The following SCFD1 variants were observed in gnomAD, a reference collection of about 807,000 sequenced individuals.
SCFD1 encodes sec1 family domain containing 1, also known as sec1 family domain-containing protein 1.
In SCFD1, 37 loss-of-function variants were observed where a neutral mutation model predicts 103.2. That is an observed-to-expected ratio of 0.36 (90% CI 0.28 to 0.47). SCFD1 has a LOEUF of 0.47. Among genes scored for constraint, SCFD1 ranks in the 20% least tolerant of loss-of-function variants. The probability of loss-of-function intolerance (pLI) is 1.00; values close to 1 mark genes in which losing one functional copy is unlikely to be tolerated. For missense variants in SCFD1, 639 were observed against 761.2 expected (o/e 0.84, Z 1.89); for synonymous variants, 264 against 245.0 (o/e 1.08, Z -0.73).
intron 10 of SCFD1, among the ~76,000 whole-genome samples, chr14:30,660,111 A>G (rs2139149496): frequency 6.6e-6 from 1 of 152,312 alleles, no homozygotes; most frequent in Admixed American, 6.5e-5. Flanking sequence ...GCTTGTTCAA[A>G]TAAGGATCCA....
intron 15 of SCFD1, among the ~76,000 whole-genome samples, chr14:30,696,866 C>T (rs1890736798): frequency 6.6e-6 from 1 of 152,056 alleles, no homozygotes; most frequent in Non-Finnish European, 1.5e-5. Context: ...TTGTTATATA[C>T]AGGGGACTGG....
intron 10 of SCFD1, among the ~76,000 whole-genome samples, chr14:30,662,547 G>A (rs561343357): frequency 6.6e-6 from 1 of 152,268 alleles, no homozygotes; most frequent in African/African-American, 2.4e-5. Context: ...ACTCACCTTA[G>A]TGTGTCACCT....
At chr14:30,735,132 A>C (rs1893749918) in intron 24 of SCFD1, 3 of 362,316 alleles carry the variant, frequency 8.3e-6, no homozygotes, top group Middle Eastern at 7.4e-4. Context: ...GAGAACTGTC[A>C]GTAGTGTGTC....
At position 30,653,563 on chromosome 14, in the gene SCFD1, A is replaced by T; in HGVS notation, c.830A>T (p.Tyr277Phe). The T allele has an allele frequency of 1.9e-6, 3 of 1,613,004 alleles. No individual in the cohort carries two copies. Among genetic ancestry groups the T allele is most frequent in the Non-Finnish European group, 2.5e-6 (3 of 1,179,094 alleles). Residue 277 changes from tyrosine to phenylalanine, a missense_variant, in exon 10 of 25, where the codon TAT (tyrosine) becomes TTT (phenylalanine). Tyr to Phe is a conservative substitution (Grantham distance 22). Transcript: ENST00000458591. ...LATPLHHTWT[Y>F]QALVHDVLDF... is the part of the protein sequence containing the mutation. ...ACTCCTTTACATCATACTTGGACATATCAAGCATTGGTGCACGATGTACTG... is the reference window on the plus strand; with the variant it reads ...ACTCCTTTACATCATACTTGGACATTTCAAGCATTGGTGCACGATGTACTG...
intron 23 of SCFD1, among the ~76,000 whole-genome samples, chr14:30,726,449 A>G (rs1050703109): frequency 1.3e-5 from 2 of 152,236 alleles, no homozygotes; most frequent in Non-Finnish European, 1.5e-5. Flanking sequence ...AACCTCACCA[A>G]TGATACCATT....
At chr14:30,709,234 T>TA (rs1891692482) in intron 19 of SCFD1, among the ~76,000 whole-genome samples, 1 of 152,212 alleles carries the variant, frequency 6.6e-6, no homozygotes, top group African/African-American at 2.4e-5. Flanking sequence ...TTTTCTTTCT[T>TA]ATAATGTTTG....
At chr14:30,662,183 A>C (rs1887513990) in intron 10 of SCFD1, among the ~76,000 whole-genome samples, 1 of 152,172 alleles carries the variant, frequency 6.6e-6, no homozygotes, top group Non-Finnish European at 1.5e-5. Flanking sequence ...CATTGGTGTC[A>C]ACCCTATTCC....
intron 16 of SCFD1, among the ~76,000 whole-genome samples, chr14:30,700,772 C>A (rs181249443): frequency 6.6e-6 from 1 of 152,290 alleles, no homozygotes; most frequent in East Asian, 1.9e-4. Flanking sequence ...GGGGAAACTA[C>A]CCGTGAAACA....
chr14:30,641,433 A>G (rs1430253352), intron 6 of SCFD1, among the ~76,000 whole-genome samples: 8 of 152,118 alleles, frequency 5.3e-5, no homozygotes, highest in Non-Finnish European at 1.2e-4. Context: ...TCATTGAGAG[A>G]TGTGGAACTA....
chr14:30,694,879 A>T lies in SCFD1; in HGVS notation c.1339+10A>T. ...ATATCAGACCCTGATGGTATGTACC[A>T]AAAATTTGAGGTTAATGTAAGTTTC... On this transcript the variant is annotated intron_variant, in intron 15 of 24. Coordinates refer to ENST00000458591, the MANE Select transcript of SCFD1 (RefSeq NM_016106.4). The T allele has an allele frequency of 6.3e-7, 1 of 1,578,000 alleles. No homozygotes were observed.
In SCFD1 at chr14:30,704,925, T is replaced by C. The variant is rs931330454; in HGVS notation, c.1491-898T>C. On this transcript the variant is annotated intron_variant, in intron 17 of 24. Transcript: ENST00000458591. ...ATTAGAAGACTATACACCAACATCT[T>C]AACAGGGGTTACCTCAAAGTGGTAG... Among the ~76,000 whole-genome samples, 46 of 152,316 alleles carry C rather than the reference T, an allele frequency of 3.0e-4. 1 individual carries two copies. The highest frequency in any genetic ancestry group is 1.1e-3 in the African/African-American group (46 of 41,568).
intron 10 of SCFD1, among the ~76,000 whole-genome samples, chr14:30,659,748 G>A (rs754733645): frequency 6.6e-6 from 1 of 150,520 alleles, no homozygotes; most frequent in Non-Finnish European, 1.5e-5. Context: ...TCTAACCTCA[G>A]TGGCATAAAA....
At chr14:30,703,204 A>G (rs1206629612) in intron 17 of SCFD1, among the ~76,000 whole-genome samples, 3 of 151,722 alleles carry the variant, frequency 2.0e-5, no homozygotes, top group Admixed American at 6.6e-5. Context: ...AATGAACAGA[A>G]TAATGTTAAA....
rs1887818397 is a variant in SCFD1, at chr14:30,665,077, A to C, written c.856-5179A>C. On this transcript the variant is annotated intron_variant, in intron 10 of 24. Coordinates refer to ENST00000458591, the MANE Select transcript of SCFD1 (RefSeq NM_016106.4). The stretch of plus-strand genomic sequence containing the variant: ...AAAGATACTCAAGAAGAGCAACCCC[A>C]AGACACATAATTGTCAGATTCACCA... Among the ~76,000 whole-genome samples, 3 of 152,296 alleles carry C rather than the reference A, an allele frequency of 2.0e-5. No individual in the cohort carries two copies. The South Asian group carries it at 6.2e-4, about 32-fold the overall frequency.
chr14:30,637,160 TAC>T (rs1884810040), intron 4 of SCFD1, among the ~76,000 whole-genome samples: 2 of 152,086 alleles, frequency 1.3e-5, no homozygotes, highest in African/African-American at 4.8e-5. Flanking sequence ...TATTTATACA[TAC>T]ACTTTTATAT....
intron 23 of SCFD1, among the ~76,000 whole-genome samples, chr14:30,732,524 T>A (rs1372427409): frequency 6.6e-6 from 1 of 152,200 alleles, no homozygotes; most frequent in Non-Finnish European, 1.5e-5. Flanking sequence ...TCCTGAATAA[T>A]CCTAATCTTT....
intron 9 of SCFD1, among the ~76,000 whole-genome samples, chr14:30,653,116 C>T (rs957150279): frequency 1.1e-4 from 16 of 152,140 alleles, no homozygotes; most frequent in Non-Finnish European, 1.9e-4. Flanking sequence ...TTTTAAAAGC[C>T]AGCCTCCCCC....
chr14:30,708,997 C>T (rs1891676479), intron 19 of SCFD1, among the ~76,000 whole-genome samples: 2 of 152,152 alleles, frequency 1.3e-5, no homozygotes, highest in South Asian at 4.1e-4. Context: ...CTCCTGAATC[C>T]TTCAATTAAG....
intron 10 of SCFD1, among the ~76,000 whole-genome samples, chr14:30,665,105 G>A (rs889790500): frequency 6.6e-6 from 1 of 151,900 alleles, no homozygotes; most frequent in Non-Finnish European, 1.5e-5. Context: ...ATTCACCAAG[G>A]TGAAATGAAG....
Sources: allele counts gnomAD v4.1 joint callset (sites outside exome capture counted in the v4.1 genomes callset), GRCh38; gene constraint gnomAD v4.1.1; transcripts MANE v1.5; gene names NCBI Gene and HGNC (gene_info 2026-07-23, HGNC 2026-07-21).